Variants in IWS1 observed in about 807,000 individuals in gnomAD.
IWS1 encodes the protein protein IWS1 homolog.
In IWS1, 27 loss-of-function variants were observed where a neutral mutation model predicts 86.7. The observed-to-expected ratio is 0.31, with a 90% confidence interval of 0.23 to 0.43. The LOEUF is 0.43. IWS1 is among the 20% of genes least tolerant of loss of function. The pLI, the probability that IWS1 is intolerant of heterozygous loss-of-function variation, is 1.00. For synonymous variants in IWS1, 313 were observed against 335.1 expected, an observed-to-expected ratio of 0.93 and a Z score of 0.72; for missense variants, 827 against 1,000.8, an observed-to-expected ratio of 0.83 and a Z score of 2.34.
intron 2 of IWS1, among the ~76,000 whole-genome samples, chr2:127,519,245 C>T (rs1455669232): frequency 2.0e-5 from 3 of 152,282 alleles, no homozygotes; most frequent in African/African-American, 7.2e-5. Context: ...CAGCCCATTA[C>T]ATACATGTGT....
chr2:127,526,922 C>T (rs977048065), upstream of IWS1: 5 of 286,954 alleles, frequency 1.7e-5, no homozygotes, highest in Non-Finnish European at 3.6e-5. Context: ...CTAACTGGCG[C>T]GATCCACAGC....
rs143966754 is a variant in IWS1, at chr2:127,496,080, C to T, written c.1634G>A (p.Arg545Gln). The T allele has an allele frequency of 3.1e-6, 5 of 1,613,912 alleles. No individual in the cohort carries two copies. The highest frequency in any genetic ancestry group is 2.2e-5 in the East Asian group (1 of 44,870). The change falls in exon 7 of 14, where the codon CGG (arginine) becomes CAG (glutamine). Residue 545 changes from arginine (R) to glutamine (Q), a missense_variant. By Grantham distance (43) the Arg-to-Gln change is conservative. This residue lies in a region of IWS1 where 279 missense variants were observed against 440.6 expected (regional missense o/e 0.63). Coordinates refer to ENST00000295321, the MANE Select transcript of IWS1 (RefSeq NM_017969.3). ...AATAAAGGTGCCACCATCGCGGTTC[C>T]GTCTGCGCTTGCCACTCATGCTCTT... ...RKKSMSGKRR[R>Q]NRDGGTFISD...
intron 10 of IWS1, among the ~76,000 whole-genome samples, chr2:127,491,128 T>C (rs2104665615): frequency 6.6e-6 from 1 of 152,308 alleles, no homozygotes; most frequent in East Asian, 1.9e-4. Context: ...CTGGCATCAT[T>C]AAATAAGAAC....
rs181137920 is a variant in IWS1, at chr2:127,485,610, G to A, written c.2328+943C>T. On this transcript the variant is annotated intron_variant, in intron 13 of 13. Transcript: ENST00000295321. ...TAACAAAAACCTTTTTCATAAAAAC[G>A]GGTACCAGTCAGGAAGACCCAAATG... Among the ~76,000 whole-genome samples, 392 of 152,204 alleles carry A rather than the reference G, an allele frequency of 2.6e-3. 1 individual carries two copies. Among genetic ancestry groups the A allele is most frequent in the Admixed American group, 4.1e-3 (63 of 15,296 alleles).
At position 127,524,164 on chromosome 2, in the gene IWS1, G is replaced by A. The variant is rs574443938; in HGVS notation, c.35-373C>T. ...TGTTTAACGTGGGTCTTCTTCACCTGAAAGAAAATGCCACAAGAATAGGGA... is the reference window on the plus strand; with the variant it reads ...TGTTTAACGTGGGTCTTCTTCACCTAAAAGAAAATGCCACAAGAATAGGGA... On this transcript the variant is annotated intron_variant, in intron 1 of 13. Transcript: ENST00000295321. Among the ~76,000 whole-genome samples, 3 of 152,266 alleles carry A rather than the reference G, an allele frequency of 2.0e-5. No homozygotes were observed. The South Asian group carries it at 6.2e-4, about 32-fold the overall frequency.
At chr2:127,492,163 T>A in intron 9 of IWS1, 75 bp from the exon 10 acceptor site, 2 of 872,854 alleles carry the variant, frequency 2.3e-6, no homozygotes, top group Non-Finnish European at 3.9e-6. Flanking sequence ...TCTAGAGACC[T>A]GGCACATTCA....
At chr2:127,522,197 A>G (rs554970711) in intron 2 of IWS1, among the ~76,000 whole-genome samples, 13 of 152,182 alleles carry the variant, frequency 8.5e-5, no homozygotes, top group Non-Finnish European at 1.6e-4. Flanking sequence ...GAAGATATCA[A>G]GCACACTCTC....
At chr2:127,483,630 G>A (rs1235682441) in intron 13 of IWS1, among the ~76,000 whole-genome samples, 1 of 49,198 alleles carries the variant, frequency 2.0e-5, no homozygotes, top group African/African-American at 7.0e-5. Flanking sequence ...GTGTGCGTGT[G>A]CGTGTGTGTG....
Position 127,505,690 on chromosome 2 carries a change from GT to G in IWS1, c.212del (p.Asn71ThrfsTer5). On this transcript the variant is annotated frameshift_variant, in exon 3 of 14. Coordinates refer to ENST00000295321, the MANE Select transcript of IWS1 (RefSeq NM_017969.3). LOFTEE classifies it high-confidence loss of function. The surrounding 1 kb of genome is among the most constrained non-coding windows in gnomAD (Gnocchi z 5.0). The stretch of plus-strand genomic sequence containing the variant: ...TAGCATTAAGATTTAAGGGCTCATC[GT>G]TCTCAGAGTCTGTCACATGATGTCC... ...PKGHHVTDSE[N>X]DEPLNLNASD... is the part of the protein sequence containing the mutation. 1 of 1,612,598 alleles carries G rather than the reference GT, an allele frequency of 6.2e-7. No homozygotes were observed. Among genetic ancestry groups the G allele is most frequent in the Non-Finnish European group, 8.5e-7 (1 of 1,179,704 alleles).
chr2:127,523,453 A>T (rs190532666), intron 2 of IWS1, among the ~76,000 whole-genome samples: 26 of 152,318 alleles, frequency 1.7e-4, no homozygotes, highest in Admixed American at 1.5e-3. Flanking sequence ...AAAACTGCCT[A>T]ACATTTGAAA....
At chr2:127,498,372 T>C (rs1573526260) in intron 5 of IWS1, 135 bp from the exon 6 acceptor site, 31 of 770,262 alleles carry the variant, frequency 4.0e-5, no homozygotes, top group Non-Finnish European at 4.1e-6. Context: ...TAACAAAAGG[T>C]CCCTCTCCAG....
intron 5 of IWS1, among the ~76,000 whole-genome samples, chr2:127,501,980 C>G (rs1690846186): frequency 6.6e-6 from 1 of 152,176 alleles, no homozygotes; most frequent in Admixed American, 6.5e-5. Flanking sequence ...TCTCCCTGAA[C>G]ATATTTAAGG....
intron 5 of IWS1, among the ~76,000 whole-genome samples, chr2:127,500,477 T>C (rs1690743887): frequency 6.6e-6 from 1 of 152,174 alleles, no homozygotes; most frequent in Non-Finnish European, 1.5e-5. Flanking sequence ...GTGACCTCTT[T>C]ATCTTAAGTA....
chr2:127,502,179 G>C (rs1418982551), intron 5 of IWS1, among the ~76,000 whole-genome samples: 6 of 152,282 alleles, frequency 3.9e-5, no homozygotes, highest in Non-Finnish European at 8.8e-5. Context: ...TCTGAGCAAA[G>C]GCTATTTTAT....
chr2:127,495,225 T>C (rs910872708), intron 7 of IWS1, among the ~76,000 whole-genome samples: 2 of 152,194 alleles, frequency 1.3e-5, no homozygotes, highest in Non-Finnish European at 2.9e-5. Context: ...ACTGTCAAAT[T>C]TTCAGAGTTC....
intron 2 of IWS1, chr2:127,514,432 G>A (rs191219050): frequency 7.0e-4 from 109 of 154,618 alleles, no homozygotes; most frequent in Admixed American, 2.7e-3. Context: ...GCATACCACC[G>A]TTCACCAACG....
At chr2:127,515,269 G>T (rs578146324) in intron 2 of IWS1, among the ~76,000 whole-genome samples, 1 of 152,280 alleles carries the variant, frequency 6.6e-6, no homozygotes, top group Admixed American at 6.5e-5. Flanking sequence ...TGTGTTACTA[G>T]CATTTCATTT....
chr2:127,502,351 C>T (rs1241540108), intron 5 of IWS1, among the ~76,000 whole-genome samples: 1 of 152,184 alleles, frequency 6.6e-6, no homozygotes, highest in Non-Finnish European at 1.5e-5. Flanking sequence ...GCAAACACCC[C>T]CACAGAAAAA....
chr2:127,519,738 T>C (rs894936815), intron 2 of IWS1, among the ~76,000 whole-genome samples: 9 of 152,192 alleles, frequency 5.9e-5, no homozygotes, highest in African/African-American at 7.2e-5. Context: ...GGTAAGGACC[T>C]TGAAATAGGG....
Sources: gnomAD v4.1 joint callset for allele counts (sites outside exome capture counted in the v4.1 genomes callset) on GRCh38, gnomAD v4.1.1 for gene constraint, gnomAD v4.1.1 regional missense constraint, Gnocchi (gnomAD v3.1) non-coding constraint, MANE v1.5 for transcripts, NCBI Gene and HGNC (gene_info 2026-07-23, HGNC 2026-07-21) for gene names.